Variants in RAB36 observed in about 807,000 individuals in gnomAD.
The protein encoded by RAB36 is RAB36, member RAS oncogene family.
A neutral mutation model predicts 39.3 loss-of-function variants in RAB36; 33 were observed. That is an observed-to-expected ratio of 0.84 (90% CI 0.64 to 1.12). The LOEUF is 1.12. Among genes scored for constraint, RAB36 ranks in the 50% most tolerant of loss-of-function variants. The pLI, the probability that RAB36 is intolerant of heterozygous loss-of-function variation, is 0.00. For missense variants in RAB36, 308 were observed against 355.3 expected, an observed-to-expected ratio of 0.87 and a Z score of 1.07; for synonymous variants, 133 against 140.2, an observed-to-expected ratio of 0.95 and a Z score of 0.36.
chr22:23,152,007 C>T (rs1039156310), intron 3 of RAB36, among the ~76,000 whole-genome samples: 2 of 152,206 alleles, frequency 1.3e-5, no homozygotes, highest in Admixed American at 6.5e-5. Context: ...CGCACAGCCC[C>T]GGGGGTGCAT....
At chr22:23,149,928 G>A (rs911320753) in intron 2 of RAB36, 135 bp from the exon 3 acceptor site, 1 of 712,414 alleles carries the variant, frequency 1.4e-6, no homozygotes, top group African/African-American at 1.7e-5. Context: ...AAATGGGTCA[G>A]GGAAAGCTAA....
At chr22:23,161,359 C>T (rs2071783925) in intron 10 of RAB36, 141 bp from the exon 11 acceptor site, 10 of 821,966 alleles carry the variant, frequency 1.2e-5, no homozygotes, top group Admixed American at 6.1e-5. Context: ...CCTCTCTTGG[C>T]TTGTGTCAGG....
At chr22:23,146,041 AG>A (rs2070752009) in intron 1 of RAB36, 1 of 982,886 alleles carries the variant, frequency 1.0e-6, no homozygotes, top group Admixed American at 6.1e-5. Context: ...GTAAGCTCAG[AG>A]GGGAGCTCCT....
At chr22:23,167,467 C>T (rs557723846), downstream of RAB36, among the ~76,000 whole-genome samples, 13 of 152,318 alleles carry the variant, frequency 8.5e-5, no homozygotes, top group African/African-American at 3.1e-4. Flanking sequence ...TCCCCCTCCT[C>T]CCAGCCCTGC....
At chr22:23,159,402 C>A in intron 9 of RAB36, 149 bp downstream of exon 9, 1 of 782,420 alleles carries the variant, frequency 1.3e-6, no homozygotes. Flanking sequence ...CCCTGCTGTG[C>A]TGGTGCCTGG....
rs898527595 is a variant in RAB36, at chr22:23,161,640, G to A, written c.*76G>A. On this transcript the variant is annotated 3_prime_UTR_variant, in exon 11 of 11. Transcript: ENST00000263116. ...TTTCCGTGACTGTGGTGTGGAGACT[G>A]GAGCCCAAGCTCTGCAGCGTGTCGC... 28 of 1,288,984 alleles carry A rather than the reference G, an allele frequency of 2.2e-5. No individual in the cohort carries two copies. The highest frequency in any genetic ancestry group is 2.9e-5 in the African/African-American group (2 of 68,142). 79.8% of individuals were successfully genotyped at this position (1,288,984 alleles called of 1,614,324 possible). A position where few individuals can be genotyped will look rare whatever the true frequency, so the allele number is the denominator to read the frequency against.
chr22:23,167,745 G>A (rs565676394), downstream of RAB36, among the ~76,000 whole-genome samples: 20 of 151,580 alleles, frequency 1.3e-4, no homozygotes, highest in Middle Eastern at 3.4e-3. Context: ...CCAGGGTCTC[G>A]CTGTGTTGCC....
rs5759612 is a variant in RAB36 at position 23,160,983 on chromosome 22, A to G, written c.724A>G (p.Asn242Asp). The change falls in exon 10 of 11, where the codon AAT becomes GAT. Residue 242 changes from asparagine (N) to aspartate (D), a missense_variant. By Grantham distance (23) the Asn-to-Asp change is conservative. Coordinates refer to ENST00000263116, the MANE Select transcript of RAB36 (RefSeq NM_004914.5). ...GAGCAGTGCCCGGCTCCAGGTCGGC[A>G]ATGGAGACCTAATCCGTGAGTATAG... ...RQSSARLQVG[N>D]GDLIQMEGSP... 0.5 allele frequency: 809,278 copies of G among 1,610,470 alleles called. 205,031 individuals carry two copies. Among genetic ancestry groups the G allele is most frequent in the East Asian group, 0.63 (28,320 of 44,766 alleles).
intron 9 of RAB36, among the ~76,000 whole-genome samples, chr22:23,159,620 G>A (rs1193189945): frequency 6.6e-6 from 1 of 152,146 alleles, no homozygotes. Flanking sequence ...TAACTTCCAG[G>A]GCCACAGGGT....
chr22:23,161,105 C>A, intron 10 of RAB36, 107 bp downstream of exon 10: 1 of 1,348,958 alleles, frequency 7.4e-7, no homozygotes, highest in African/African-American at 1.5e-5. Context: ...AACTTGTGGC[C>A]CTCTCCTGTC....
rs767889938 is a variant in RAB36, at chr22:23,145,499, C to A, written c.-65C>A. 2.2e-5 allele frequency: 36 copies of A among 1,606,996 alleles called. 1 individual carries two copies. In the East Asian group the frequency reaches 2.7e-4, roughly 12 times the overall value. On this transcript the variant is annotated 5_prime_UTR_variant, in exon 1 of 11. It adds an upstream start codon to the 5' untranslated region. Transcript: ENST00000263116. Reference sequence around the variant, plus strand: ...CTCGTTGCCATGGTGATCGCCGCCGCTGGCTCAGGCGGACCAGGCCGCGCG... The same window carrying A: ...CTCGTTGCCATGGTGATCGCCGCCGATGGCTCAGGCGGACCAGGCCGCGCG...
In RAB36 at chr22:23,160,968, C is replaced by T. The variant is rs142280693; in HGVS notation, c.709C>T (p.Arg237Trp). 7,452 of 1,612,842 alleles carry T rather than the reference C, an allele frequency of 4.6e-3. 465 individuals are homozygous for T. The Admixed American group carries it at 0.11, about 24-fold the overall frequency. ...LQDLERQSSA[R>W]LQVGNGDLIQ... ...GGACCTGGAGAGGCAGAGCAGTGCC[C>T]GGCTCCAGGTCGGCAATGGAGACCT... Residue 237 changes from arginine to tryptophan, a missense_variant, in exon 10 of 11, where the codon CGG becomes TGG. Physicochemically the swap from Arg to Trp is moderately radical, Grantham distance 101. Transcript: ENST00000263116.
rs761162060 is a variant in RAB36 at position 23,163,014 on chromosome 22, C to T, written c.*1450C>T. 1.0e-5 allele frequency: 3 copies of T among 293,842 alleles called. No homozygotes were observed. Among genetic ancestry groups the T allele is most frequent in the Non-Finnish European group, 2.0e-5 (3 of 150,222 alleles). 18.2% of individuals were successfully genotyped at this position (293,842 alleles called of 1,614,324 possible). A position where few individuals can be genotyped will look rare whatever the true frequency, so the allele number is the denominator to read the frequency against. ...GCAACCTCTGCCTCCCAGGTTGAAG[C>T]GATTCTCCTGCCTCAGCCTCCCAAG... On this transcript the variant is annotated 3_prime_UTR_variant, in exon 11 of 11. Transcript: ENST00000263116.
chr22:23,159,929 A>G (rs2071679916), intron 9 of RAB36, among the ~76,000 whole-genome samples: 1 of 152,174 alleles, frequency 6.6e-6, no homozygotes, highest in African/African-American at 2.4e-5. Flanking sequence ...TTTGTGAAAA[A>G]ACGTTTTAAA....
chr22:23,158,814 T>C (rs1569215673), intron 7 of RAB36, 84 bp from the exon 8 acceptor site: 2 of 1,235,646 alleles, frequency 1.6e-6, no homozygotes, highest in Non-Finnish European at 2.4e-6. Context: ...ACTTCAGCCC[T>C]GGGGAGGTCC....
In RAB36 at chr22:23,165,502, G is replaced by A. The variant is rs764303198; in HGVS notation, c.*3938G>A. 1.7e-4 allele frequency among the ~76,000 whole-genome samples: 26 copies of A among 152,228 alleles called. No individual in the cohort carries two copies. Among genetic ancestry groups the A allele is most frequent in the Non-Finnish European group, 2.6e-4 (18 of 68,046 alleles). Reference sequence around the variant, plus strand: ...CCACAGAAAGTTTCAGGGCAGAACTGAACAGGTCTCGGGAAGGACACTTCA... The same window carrying A: ...CCACAGAAAGTTTCAGGGCAGAACTAAACAGGTCTCGGGAAGGACACTTCA... On this transcript the variant is annotated 3_prime_UTR_variant, in exon 11 of 11. Coordinates refer to ENST00000263116, the MANE Select transcript of RAB36 (RefSeq NM_004914.5).
At position 23,161,835 on chromosome 22, in the gene RAB36, CCA is replaced by C; in HGVS notation, c.*272_*273del. ...GGCACTGTGGTGATCCCATAAAAGG[CCA>C]GTCCATTTGCAGGGTCATCAGACAG... On this transcript the variant is annotated 3_prime_UTR_variant, in exon 11 of 11. Transcript: ENST00000263116. 1 of 466,598 alleles carries C rather than the reference CCA, an allele frequency of 2.1e-6. No individual in the cohort carries two copies. The highest frequency in any genetic ancestry group is 3.7e-5 in the Admixed American group (1 of 27,262). 28.9% of individuals were successfully genotyped at this position (466,598 alleles called of 1,614,324 possible). A position where few individuals can be genotyped will look rare whatever the true frequency, so the allele number is the denominator to read the frequency against.
At position 23,161,683 on chromosome 22, in the gene RAB36, A is replaced by G. The variant is rs737820; in HGVS notation, c.*119A>G. 0.49 allele frequency: 425,623 copies of G among 868,854 alleles called. 105,981 individuals carry two copies. Among genetic ancestry groups the G allele is most frequent in the East Asian group, 0.63 (22,847 of 36,312 alleles). 53.8% of individuals were successfully genotyped at this position (868,854 alleles called of 1,614,324 possible). On this transcript the variant is annotated 3_prime_UTR_variant, in exon 11 of 11. Coordinates refer to ENST00000263116, the MANE Select transcript of RAB36 (RefSeq NM_004914.5). ...CGTGTCGCCCTCAAGCTGTAGGCCC[A>G]TGTTCCAGTCCCTCCACCCACCCAC...
Position 23,165,405 on chromosome 22 carries a change from G to A in RAB36, c.*3841G>A, listed in dbSNP as rs1187237721. 6.6e-6 allele frequency among the ~76,000 whole-genome samples: 1 copy of A among 152,178 alleles called. No homozygotes were observed. On this transcript the variant is annotated 3_prime_UTR_variant, in exon 11 of 11. Transcript: ENST00000263116. ...TGTCTGACCCAGAGACCCTCACAGG[G>A]CATCAGCCAGTGAAGGCGGTTTGGG... is the stretch of plus-strand genomic sequence containing the variant.
Sources: allele counts gnomAD v4.1 joint callset (sites outside exome capture counted in the v4.1 genomes callset), GRCh38; gene constraint gnomAD v4.1.1; transcripts MANE v1.5; gene names NCBI Gene and HGNC (gene_info 2026-07-23, HGNC 2026-07-21).